TRAPPC8: variants seen among roughly 807,000 people sequenced by gnomAD.
TRAPPC8 encodes the protein trafficking protein particle complex subunit 8.
Under a neutral mutation model 174.3 loss-of-function variants are expected in TRAPPC8, and 54 were observed. That is an observed-to-expected ratio of 0.31 (90% confidence interval 0.25 to 0.39). The LOEUF is 0.39. Among genes scored for constraint, TRAPPC8 ranks in the 10% least tolerant of loss-of-function variants. The pLI is 1.00. For missense variants in TRAPPC8, 1,531 were observed against 1,699.1 expected (o/e 0.90, Z 1.74); for synonymous variants, 630 against 579.9 (o/e 1.09, Z -1.24).
intron 6 of TRAPPC8, among the ~76,000 whole-genome samples, chr18:31,909,278 T>C (rs1248673018): frequency 2.6e-5 from 4 of 151,868 alleles, no homozygotes; most frequent in Non-Finnish European, 1.5e-5. Flanking sequence ...TTAAATAATA[T>C]AAAGAATGAC....
intron 19 of TRAPPC8, among the ~76,000 whole-genome samples, chr18:31,859,432 C>T (rs1393556393): frequency 6.6e-6 from 1 of 152,178 alleles, no homozygotes; most frequent in African/African-American, 2.4e-5. Context: ...ACTGAAGACA[C>T]TGACTCTCTG....
At chr18:31,898,610 T>C (rs535083478) in intron 10 of TRAPPC8, among the ~76,000 whole-genome samples, 1 of 152,376 alleles carries the variant, frequency 6.6e-6, no homozygotes, top group Non-Finnish European at 1.5e-5. Flanking sequence ...ATTTAGGTAT[T>C]TTCCCCCTGG....
intron 1 of TRAPPC8, among the ~76,000 whole-genome samples, chr18:31,938,647 TAA>T (rs1009972300): frequency 4.6e-5 from 7 of 152,330 alleles, no homozygotes; most frequent in African/African-American, 1.7e-4. Context: ...CTACCCTAAG[TAA>T]AGGCATACCT....
intron 20 of TRAPPC8, among the ~76,000 whole-genome samples, chr18:31,857,154 AAAC>A (rs1307009913): frequency 1.3e-5 from 2 of 152,132 alleles, no homozygotes; most frequent in African/African-American, 4.8e-5. Context: ...GGAAAAGGTA[AAAC>A]AAAACAATTT....
chr18:31,929,665 C>CA (rs933540791), intron 2 of TRAPPC8, among the ~76,000 whole-genome samples: 126 of 152,112 alleles, frequency 8.3e-4, no homozygotes, highest in African/African-American at 2.9e-3. Context: ...GACCCTGTCA[C>CA]AAAAAATACT....
At chr18:31,843,132 G>A (rs931254185) in intron 26 of TRAPPC8, among the ~76,000 whole-genome samples, 1 of 152,014 alleles carries the variant, frequency 6.6e-6, no homozygotes, top group African/African-American at 2.4e-5. Flanking sequence ...TTACACTTAA[G>A]GGTTGTATAT....
intron 19 of TRAPPC8, among the ~76,000 whole-genome samples, chr18:31,861,936 A>AGGGGGG (rs398032373): frequency 1.1e-4 from 7 of 64,252 alleles, no homozygotes; most frequent in East Asian, 1.3e-3. Flanking sequence ...AAAAAAAAAA[A>AGGGGGG]GGGGGGGGGG....
chr18:31,942,656 G>C lies in TRAPPC8; in HGVS notation c.109C>G (p.Leu37Val), dbSNP rs2038399536. ...GGCTTAAGCAGCTCCGCGAAGCTGAGGTGATTGAGACGAGTGAGCCGCTCG... is the reference window on the plus strand; with the variant it reads ...GGCTTAAGCAGCTCCGCGAAGCTGACGTGATTGAGACGAGTGAGCCGCTCG... Reference protein sequence around the residue: ...EAERLTRLNHLSFAELLKPFS... With the variant: ...EAERLTRLNHVSFAELLKPFS... Residue 37 changes from leucine (L) to valine (V), a missense_variant, in exon 1 of 29, where the codon CTC becomes GTC. Leu to Val is a conservative substitution (Grantham distance 32, BLOSUM62 1). Coordinates refer to ENST00000283351, the MANE Select transcript of TRAPPC8 (RefSeq NM_014939.5). 1 of 1,611,580 alleles carries C rather than the reference G, an allele frequency of 6.2e-7. No homozygotes were observed. The highest frequency in any genetic ancestry group is 8.5e-7 in the Non-Finnish European group (1 of 1,178,926).
rs566938030 is a variant in TRAPPC8 at position 31,932,616 on chromosome 18, A to T, written c.158-1093T>A. Among the ~76,000 whole-genome samples the T allele has an allele frequency of 2.0e-5, 3 of 152,310 alleles. No individual in the cohort carries two copies. The South Asian group carries it at 6.2e-4, about 32-fold the overall frequency. ...ATTACAGCAAGAAGACAGTGTCCAC[A>T]GTCCACAGAACAAAATGTGAGCATA... On this transcript the variant is annotated intron_variant, in intron 1 of 28. Coordinates refer to ENST00000283351, the MANE Select transcript of TRAPPC8 (RefSeq NM_014939.5).
rs2144904304 is a variant in TRAPPC8 at position 31,832,192 on chromosome 18, CA to C, written c.3984-20del. The C allele has an allele frequency of 2.1e-6, 3 of 1,435,318 alleles. No homozygotes were observed. Among genetic ancestry groups the C allele is most frequent in the Non-Finnish European group, 2.8e-6 (3 of 1,088,792 alleles). 88.9% of individuals were successfully genotyped at this position (1,435,318 alleles called of 1,614,324 possible). A position where few individuals can be genotyped will look rare whatever the true frequency, so the allele number is the denominator to read the frequency against. ...ACAAAGGCTATGGAAGAAAAATAAA[CA>C]AAAAAGTTATATATTTTTTTCTTCT... On this transcript the variant is annotated intron_variant, in intron 27 of 28. Coordinates refer to ENST00000283351, the MANE Select transcript of TRAPPC8 (RefSeq NM_014939.5).
chr18:31,882,099 T>C (rs985877337), intron 12 of TRAPPC8, among the ~76,000 whole-genome samples: 8 of 152,178 alleles, frequency 5.3e-5, no homozygotes, highest in African/African-American at 1.7e-4. Flanking sequence ...ATCCCATTAC[T>C]AGGTATGTAC....
rs933384899 is a variant in TRAPPC8, at chr18:31,942,862, C to T, written c.-98G>A. Reference sequence around the variant, plus strand: ...TACCGCCGCCGCCCGCCGGCCTGGCCCGGCCGGGCGGGGCCCCGAACGCAC... The same window carrying T: ...TACCGCCGCCGCCCGCCGGCCTGGCTCGGCCGGGCGGGGCCCCGAACGCAC... On this transcript the variant is annotated 5_prime_UTR_variant, in exon 1 of 29. Transcript: ENST00000283351. 2.3e-4 allele frequency: 286 copies of T among 1,257,674 alleles called. No individual in the cohort carries two copies. The African/African-American group carries it at 2.4e-3, about 10-fold the overall frequency. The allele number at this position is 1,257,674 out of a possible 1,614,324, so 77.9% of individuals were successfully genotyped here.
chr18:31,846,928 T>C (rs2033441227), intron 25 of TRAPPC8, 111 bp from the exon 26 acceptor site: 1 of 621,622 alleles, frequency 1.6e-6, no homozygotes, highest in Non-Finnish European at 2.7e-6. Context: ...CTATCAATTA[T>C]TGACACTCCT....
intron 1 of TRAPPC8, among the ~76,000 whole-genome samples, chr18:31,937,346 A>G (rs1255461644): frequency 6.6e-6 from 1 of 152,186 alleles, no homozygotes; most frequent in Non-Finnish European, 1.5e-5. Context: ...GCTGGGCAGC[A>G]TGGCAAAACC....
At position 31,830,795 on chromosome 18, in the gene TRAPPC8, T is replaced by G; in HGVS notation, c.4268A>C (p.Gln1423Pro). 1 of 1,614,250 alleles carries G rather than the reference T, an allele frequency of 6.2e-7. No individual in the cohort carries two copies. Among genetic ancestry groups the G allele is most frequent in the Non-Finnish European group, 8.5e-7 (1 of 1,180,042 alleles). The change falls in exon 29 of 29, where the codon CAG becomes CCG. Residue 1423 changes from glutamine (Q) to proline (P), a missense_variant. Physicochemically the swap from Gln to Pro is moderately conservative, Grantham distance 76. Coordinates refer to ENST00000283351, the MANE Select transcript of TRAPPC8 (RefSeq NM_014939.5). ...GATGATCAGGGCAGGCATGGAATTC[T>G]GCTGACTTGTTTCAAACACTGTAAC... is the stretch of plus-strand genomic sequence containing the variant. ...DQVTVFETSQ[Q>P]NSMPALIIIS...
At chr18:31,906,303 G>GAAA (rs2036655749) in intron 9 of TRAPPC8, among the ~76,000 whole-genome samples, 1 of 130,440 alleles carries the variant, frequency 7.7e-6, no homozygotes. Context: ...TCTGTCTCCA[G>GAAA]GAAAAAAAAA....
intron 27 of TRAPPC8, among the ~76,000 whole-genome samples, chr18:31,838,038 T>C (rs1337870819): frequency 1.3e-5 from 2 of 150,058 alleles, no homozygotes; most frequent in Admixed American, 1.3e-4. Context: ...GGTGCAAACA[T>C]AGCTGACCGT....
At chr18:31,938,009 T>TA (rs2038177686) in intron 1 of TRAPPC8, among the ~76,000 whole-genome samples, 1 of 152,180 alleles carries the variant, frequency 6.6e-6, no homozygotes, top group African/African-American at 2.4e-5. Context: ...GCCTACTTTT[T>TA]AATCCCTTTA....
chr18:31,923,342 C>A (rs952277637), intron 2 of TRAPPC8, among the ~76,000 whole-genome samples: 16 of 152,080 alleles, frequency 1.1e-4, no homozygotes. Flanking sequence ...AAAACTGAAA[C>A]CATCACAAGA....
Sources: allele counts gnomAD v4.1 joint callset (sites outside exome capture counted in the v4.1 genomes callset), GRCh38; gene constraint gnomAD v4.1.1; transcripts MANE v1.5; gene names NCBI Gene and HGNC (gene_info 2026-07-23, HGNC 2026-07-21).